The following ATP6V0E2 variants were observed in gnomAD, a reference collection of about 807,000 sequenced individuals.
The protein encoded by ATP6V0E2 is ATPase H+ transporting V0 subunit e2.
Under a neutral mutation model 11.5 loss-of-function variants are expected in ATP6V0E2, and 4 were observed. The observed-to-expected ratio is 0.35, with a 90% CI of 0.17 to 0.80. ATP6V0E2 has a LOEUF of 0.80. Ranked by LOEUF, ATP6V0E2 falls within the 30% of genes least tolerant of loss-of-function variation. ATP6V0E2 has a pLI of 0.53. For synonymous variants in ATP6V0E2, 52 were observed against 51.0 expected, an observed-to-expected ratio of 1.02 and a Z score of -0.09; for missense variants, 93 against 113.5, an observed-to-expected ratio of 0.82 and a Z score of 0.82.
chr7:149,879,214 G>A (rs1313874916), intron 3 of ATP6V0E2, 121 bp from the exon 4 acceptor site: 11 of 1,399,330 alleles, frequency 7.9e-6, no homozygotes, highest in Non-Finnish European at 1.0e-5. Flanking sequence ...CCTGGACGGA[G>A]GGAGGGAAAG....
rs1390120434 is a variant in ATP6V0E2 at position 149,878,798 on chromosome 7, G to A, written c.*19+8G>A. 1 of 1,611,112 alleles carries A rather than the reference G, an allele frequency of 6.2e-7. No homozygotes were observed. Among genetic ancestry groups the A allele is most frequent in the Non-Finnish European group, 8.5e-7 (1 of 1,179,378 alleles). ...CCGCCGCCCCCGACCCAGGTACTGT[G>A]TGGGCGAGGGGTGTGGGTGGGGAAG... On this transcript the variant is annotated splice_region_variant and intron_variant, in intron 3 of 3. Transcript: ENST00000425642.
At chr7:149,876,103 C>T (rs981024871) in intron 2 of ATP6V0E2, 17 of 457,070 alleles carry the variant, frequency 3.7e-5, no homozygotes, top group African/African-American at 1.4e-4. Context: ...AGAGGCCAGA[C>T]GTGGCGGCTC....
rs1036651059 is a variant in ATP6V0E2, at chr7:149,874,073, C to T, written c.8C>T (p.Ala3Val). ...GGCATCCTGCGCCCGGCCATGACGG[C>T]GCACTCATTCGCCCTCCCGGTCATC... is the stretch of plus-strand genomic sequence containing the variant. Reference protein sequence around the residue: MTAHSFALPVIIF... With the variant: MTVHSFALPVIIF... Residue 3 changes from alanine to valine, a missense_variant, in exon 1 of 4, where the codon GCG (alanine) becomes GTG (valine). Coordinates refer to ENST00000425642, the MANE Select transcript of ATP6V0E2 (RefSeq NM_145230.4). The T allele has an allele frequency of 6.5e-7, 1 of 1,549,878 alleles. No homozygotes were observed. Among genetic ancestry groups the T allele is most frequent in the Non-Finnish European group, 8.7e-7 (1 of 1,146,650 alleles).
intron 1 of ATP6V0E2, among the ~76,000 whole-genome samples, 170 bp downstream of exon 1, chr7:149,874,339 C>A (rs1282524094): frequency 1.3e-5 from 2 of 152,100 alleles, no homozygotes; most frequent in African/African-American, 4.8e-5. Context: ...TCTCTGACAG[C>A]CGGGAACAGG....
At position 149,878,704 on chromosome 7, in the gene ATP6V0E2, T is replaced by C; in HGVS notation, c.179T>C (p.Leu60Pro). 6.2e-7 allele frequency: 1 copy of C among 1,612,716 alleles called. No homozygotes were observed. ...LFWLIAILAQ[L>P]NPLFGPQLKN... The stretch of plus-strand genomic sequence containing the variant: ...TGGCTCATCGCCATCCTGGCGCAGC[T>C]GAACCCCCTGTTCGGGCCCCAGCTG... The change falls in exon 3 of 4, where the codon CTG becomes CCG. Residue 60 changes from leucine to proline, a missense_variant. Physicochemically the swap from Leu to Pro is moderately conservative, Grantham distance 98 (BLOSUM62 -3). Coordinates refer to ENST00000425642, the MANE Select transcript of ATP6V0E2 (RefSeq NM_145230.4).
In ATP6V0E2 at chr7:149,874,148, T is replaced by C; in HGVS notation, c.83T>C (p.Val28Ala). Reference protein sequence around the residue: ...GLVGIAGPWFVPKGPNRGVII... With the variant: ...GLVGIAGPWFAPKGPNRGVII... ...GTCGGCATCGCCGGGCCCTGGTTCG[T>C]GCCGAAGGGACCCAACCGCGGGTAA... The change falls in exon 1 of 4, where the codon GTG becomes GCG. Residue 28 changes from valine to alanine, a missense_variant. Transcript: ENST00000425642. 6.5e-7 allele frequency: 1 copy of C among 1,549,534 alleles called. No homozygotes were observed. Among genetic ancestry groups the C allele is most frequent in the Non-Finnish European group, 8.7e-7 (1 of 1,146,422 alleles).
Position 149,879,554 on chromosome 7 carries a change from G to C in ATP6V0E2, c.*239G>C, listed in dbSNP as rs1297284985. ...ACAGCAGCGGCCGAGGGGATGTCCT[G>C]CTCCAATACCCGCACTGCTCTGGAG... On this transcript the variant is annotated 3_prime_UTR_variant, in exon 4 of 4. Coordinates refer to ENST00000425642, the MANE Select transcript of ATP6V0E2 (RefSeq NM_145230.4). 6.4e-7 allele frequency: 1 copy of C among 1,550,920 alleles called. No individual in the cohort carries two copies. The highest frequency in any genetic ancestry group is 8.7e-7 in the Non-Finnish European group (1 of 1,149,080).
rs1439423525 is a variant in ATP6V0E2 at position 149,878,778 on chromosome 7, GC to G, written c.*12del. 2.5e-6 allele frequency: 4 copies of G among 1,612,540 alleles called. No individual in the cohort carries two copies. The highest frequency in any genetic ancestry group is 2.5e-6 in the Non-Finnish European group (3 of 1,179,790). Reference sequence around the variant, plus strand: ...GCGCTTCCTGTGGGAGTGACCCGCCGCCCCCGACCCAGGTACTGTGTGGGCG... The same window carrying G: ...GCGCTTCCTGTGGGAGTGACCCGCCGCCCCGACCCAGGTACTGTGTGGGCG... On this transcript the variant is annotated 3_prime_UTR_variant, in exon 3 of 4. Transcript: ENST00000425642.
chr7:149,876,482 A>C (rs780098045), intron 2 of ATP6V0E2, among the ~76,000 whole-genome samples: 3 of 152,226 alleles, frequency 2.0e-5, no homozygotes, highest in Non-Finnish European at 4.4e-5. Context: ...AGTGTGAGGA[A>C]ATCAGTTTGC....
At chr7:149,874,466 C>T (rs538611355) in intron 1 of ATP6V0E2, 2 of 378,278 alleles carry the variant, frequency 5.3e-6, no homozygotes, top group East Asian at 5.1e-5. Flanking sequence ...GCAGTTTCTC[C>T]ACTCCTTGCT....
chr7:149,875,818 C>T (rs1803100442), intron 2 of ATP6V0E2, among the ~76,000 whole-genome samples, 173 bp downstream of exon 2: 1 of 152,132 alleles, frequency 6.6e-6, no homozygotes. Context: ...AGCAGTGGGC[C>T]AGAAGTCATG....
rs898188421 is a variant in ATP6V0E2, at chr7:149,874,096, A to T, written c.31A>T (p.Ile11Phe). The T allele has an allele frequency of 3.2e-6, 5 of 1,549,874 alleles. No homozygotes were observed. In the African/African-American group the frequency reaches 5.5e-5, roughly 17 times the overall value. ...GGCGCACTCATTCGCCCTCCCGGTCATCATCTTCACCACGTTCTGGGGCCT... is the reference window on the plus strand; with the variant it reads ...GGCGCACTCATTCGCCCTCCCGGTCTTCATCTTCACCACGTTCTGGGGCCT... Reference protein sequence around the residue: MTAHSFALPVIIFTTFWGLVG... With the variant: MTAHSFALPVFIFTTFWGLVG... The change falls in exon 1 of 4, where the codon ATC (isoleucine) becomes TTC (phenylalanine). Residue 11 changes from isoleucine to phenylalanine, a missense_variant. Coordinates refer to ENST00000425642, the MANE Select transcript of ATP6V0E2 (RefSeq NM_145230.4).
At position 149,874,098 on chromosome 7, in the gene ATP6V0E2, C is replaced by T; in HGVS notation, c.33C>T (p.Ile11=). ...CGCACTCATTCGCCCTCCCGGTCAT[C>T]ATCTTCACCACGTTCTGGGGCCTCG... MTAHSFALPV[I]IFTTFWGLVG... Residue 11 remains isoleucine (I), a synonymous_variant, in exon 1 of 4, where the codon ATC becomes ATT. Coordinates refer to ENST00000425642, the MANE Select transcript of ATP6V0E2 (RefSeq NM_145230.4). 6.5e-7 allele frequency: 1 copy of T among 1,550,072 alleles called. No homozygotes were observed.
Position 149,879,328 on chromosome 7 carries a change from T to C in ATP6V0E2, c.*20-7T>C. On this transcript the variant is annotated splice_region_variant and splice_polypyrimidine_tract_variant and intron_variant, in intron 3 of 3. Transcript: ENST00000425642. ...GCCGGGACCCTTCCATGTGATGTGCTTTTCAGGTGCCCAGCTCTCGGAATG... is the reference window on the plus strand; with the variant it reads ...GCCGGGACCCTTCCATGTGATGTGCCTTTCAGGTGCCCAGCTCTCGGAATG... 6.6e-7 allele frequency: 1 copy of C among 1,523,916 alleles called. No individual in the cohort carries two copies. The highest frequency in any genetic ancestry group is 8.8e-7 in the Non-Finnish European group (1 of 1,132,552). The allele number at this position is 1,523,916 out of a possible 1,614,324, so 94.4% of individuals were successfully genotyped here. A position where few individuals can be genotyped will look rare whatever the true frequency, so the allele number is the denominator to read the frequency against.
upstream of ATP6V0E2, chr7:149,873,948 C>A (rs207468794): frequency 6.1e-5 from 94 of 1,542,242 alleles, no homozygotes; most frequent in Middle Eastern, 6.7e-4. Flanking sequence ...CCCGGCTGAT[C>A]GCTTCGGGTG....
At position 149,879,782 on chromosome 7, in the gene ATP6V0E2, A is replaced by G. The variant is rs770867111; in HGVS notation, c.*467A>G. 1.1e-5 allele frequency: 9 copies of G among 841,662 alleles called. No individual in the cohort carries two copies. Among genetic ancestry groups the G allele is most frequent in the Non-Finnish European group, 1.3e-5 (8 of 611,332 alleles). 52.1% of individuals were successfully genotyped at this position (841,662 alleles called of 1,614,324 possible). A position where few individuals can be genotyped will look rare whatever the true frequency, so the allele number is the denominator to read the frequency against. ...CCTGCTGGGAACTGGGGGGGCCTCT[A>G]TTGGGTTATAGGCAAGGCCTTTTCT... On this transcript the variant is annotated 3_prime_UTR_variant, in exon 4 of 4. Transcript: ENST00000425642.
chr7:149,875,578 C>G lies in ATP6V0E2; in HGVS notation c.105-20C>G. ...GGTGCTGGCTGCATTTGTTCTGACC[C>G]GTGTCCTCTTCTGCTGCAGAGTGAT... On this transcript the variant is annotated intron_variant, in intron 1 of 3. Transcript: ENST00000425642. 3.1e-6 allele frequency: 5 copies of G among 1,613,666 alleles called. No homozygotes were observed. The highest frequency in any genetic ancestry group is 4.2e-6 in the Non-Finnish European group (5 of 1,179,810).
chr7:149,873,786 A>T, upstream of ATP6V0E2: 1 of 1,282,294 alleles, frequency 7.8e-7, no homozygotes, highest in Non-Finnish European at 1.0e-6. Context: ...CGGACCCTAT[A>T]ACCCATCGCC....
At chr7:149,876,645 A>G (rs1449891657) in intron 2 of ATP6V0E2, among the ~76,000 whole-genome samples, 1 of 152,194 alleles carries the variant, frequency 6.6e-6, no homozygotes, top group African/African-American at 2.4e-5. Context: ...CCATGTTTAG[A>G]TGATCCTGGC....
Sources: allele counts gnomAD v4.1 joint callset (sites outside exome capture counted in the v4.1 genomes callset), GRCh38; gene constraint gnomAD v4.1.1; transcripts MANE v1.5; gene names NCBI Gene and HGNC (gene_info 2026-07-23, HGNC 2026-07-21).